TRAFD1: variants seen among roughly 807,000 people sequenced by gnomAD.
The protein encoded by TRAFD1 is TRAF-type zinc finger domain-containing protein 1.
A neutral mutation model predicts 65.3 loss-of-function variants in TRAFD1; 38 were observed. That is an observed-to-expected ratio of 0.58 (90% CI 0.45 to 0.76). The LOEUF (loss-of-function observed/expected upper bound fraction) is 0.76. TRAFD1 is among the 30% of genes least tolerant of loss of function. The pLI, the probability that TRAFD1 is intolerant of heterozygous loss-of-function variation, is 0.00. For missense variants in TRAFD1, 631 were observed against 712.6 expected (o/e 0.89, Z 1.30); for synonymous variants, 223 against 257.2 (o/e 0.87, Z 1.27).
intron 6 of TRAFD1, 38 bp from the exon 7 acceptor site, chr12:112,145,548 T>A: frequency 6.2e-7 from 1 of 1,604,406 alleles, no homozygotes; most frequent in Non-Finnish European, 8.5e-7. Flanking sequence ...AGTTTGTTTT[T>A]GTTCATCCTG....
Position 112,152,280 on chromosome 12 carries a change from G to T in TRAFD1, c.1619+140G>T. 7.1e-7 allele frequency: 1 copy of T among 1,413,720 alleles called. No homozygotes were observed. The highest frequency in any genetic ancestry group is 9.7e-7 in the Non-Finnish European group (1 of 1,036,104). 87.6% of individuals were successfully genotyped at this position (1,413,720 alleles called of 1,614,324 possible). On this transcript the variant is annotated intron_variant, in intron 10 of 11. Transcript: ENST00000412615. This position sits in a 1 kb window ranked among gnomAD's most constrained non-coding sequence, Gnocchi z 5.0. ...GAGGAGTATGGATTTTCCCTGTATTGTCACCTGACTCCAAAAAAATTATTT... is the reference window on the plus strand; with the variant it reads ...GAGGAGTATGGATTTTCCCTGTATTTTCACCTGACTCCAAAAAAATTATTT...
chr12:112,139,417 G>A (rs1486857274), intron 4 of TRAFD1, among the ~76,000 whole-genome samples: 1 of 151,596 alleles, frequency 6.6e-6, no homozygotes. Flanking sequence ...TGCCAATTCA[G>A]AAAGTTTTTT....
chr12:112,146,253 GCAGTGATGTATGC>G (rs2030242128), intron 7 of TRAFD1, among the ~76,000 whole-genome samples: 1 of 148,628 alleles, frequency 6.7e-6, no homozygotes, highest in Non-Finnish European at 1.5e-5. Context: ...AAAAGTGATG[GCAGTGATGTATGC>G]CTGTAGTCCC....
chr12:112,152,800 C>A lies in TRAFD1; in HGVS notation c.*9C>A. On this transcript the variant is annotated 3_prime_UTR_variant, in exon 12 of 12. Transcript: ENST00000412615. The surrounding 1 kb of genome is among the most constrained non-coding windows in gnomAD (Gnocchi z 5.0). ...AGGAAGAGGAGGAGTAATGGTGTCT[C>A]CAGAGACTTTACATCGGTTCCTGTC... The A allele has an allele frequency of 6.2e-7, 1 of 1,614,030 alleles. No individual in the cohort carries two copies. Among genetic ancestry groups the A allele is most frequent in the South Asian group, 1.1e-5 (1 of 91,084 alleles).
intron 7 of TRAFD1, among the ~76,000 whole-genome samples, chr12:112,147,352 T>C (rs1048354658): frequency 6.6e-6 from 1 of 152,112 alleles, no homozygotes; most frequent in African/African-American, 2.4e-5. Context: ...TAGTCTGGCA[T>C]TTCCACAACT....
rs2030311340 is a variant in TRAFD1 at position 112,148,315 on chromosome 12, C to T, written c.1158+11C>T. On this transcript the variant is annotated intron_variant, in intron 8 of 11. Coordinates refer to ENST00000412615, the MANE Select transcript of TRAFD1 (RefSeq NM_006700.3). Reference sequence around the variant, plus strand: ...CTGTTCCATCACCAGGTAAGGGTCCCTGGAGTCCCTGTCCATGTGGCTCTG... The same window carrying T: ...CTGTTCCATCACCAGGTAAGGGTCCTTGGAGTCCCTGTCCATGTGGCTCTG... The T allele has an allele frequency of 3.1e-6, 5 of 1,611,586 alleles. No homozygotes were observed. Among genetic ancestry groups the T allele is most frequent in the South Asian group, 2.2e-5 (2 of 90,864 alleles).
chr12:112,138,504 C>T (rs569102765), intron 4 of TRAFD1, among the ~76,000 whole-genome samples: 52 of 151,462 alleles, frequency 3.4e-4, no homozygotes, highest in Admixed American at 2.6e-3. Flanking sequence ...GAGCCAAGAT[C>T]ACACCACTGC....
At chr12:112,142,721 C>T (rs771864294) in intron 6 of TRAFD1, among the ~76,000 whole-genome samples, 1 of 152,024 alleles carries the variant, frequency 6.6e-6, no homozygotes, top group African/African-American at 2.4e-5. Flanking sequence ...GAGTGACATC[C>T]GTATTGTTTA....
intron 4 of TRAFD1, 46 bp from the exon 5 acceptor site, chr12:112,140,773 C>A (rs778558952): frequency 1.9e-6 from 3 of 1,598,066 alleles, no homozygotes; most frequent in South Asian, 1.1e-5. Context: ...TAAAACACAC[C>A]TCTCCTAGAT....
rs774057753 is a variant in TRAFD1 at position 112,142,295 on chromosome 12, G to C, written c.850G>C (p.Gly284Arg). 1.2e-6 allele frequency: 2 copies of C among 1,611,282 alleles called. No homozygotes were observed. Among genetic ancestry groups the C allele is most frequent in the Non-Finnish European group, 8.5e-7 (1 of 1,177,838 alleles). Residue 284 changes from glycine to arginine, a missense_variant and splice_region_variant, in exon 6 of 12, where the codon GGT becomes CGT. Coordinates refer to ENST00000412615, the MANE Select transcript of TRAFD1 (RefSeq NM_006700.3). ...GGPRSLSDIK[G>R]AADEIMLPCE... ...TCCCAGGTCTCTCAGTGACATAAAGGGTAGGCTTGCTTATTCTGCACTAGC... is the reference window on the plus strand; with the variant it reads ...TCCCAGGTCTCTCAGTGACATAAAGCGTAGGCTTGCTTATTCTGCACTAGC...
chr12:112,127,278 C>G (rs1276460992), intron 1 of TRAFD1, among the ~76,000 whole-genome samples: 2 of 152,178 alleles, frequency 1.3e-5, no homozygotes, highest in Admixed American at 1.3e-4. Flanking sequence ...TCTTATCTAC[C>G]TAAAGTAGAT....
intron 1 of TRAFD1, among the ~76,000 whole-genome samples, chr12:112,127,734 C>T (rs762889066): frequency 2.7e-5 from 4 of 149,236 alleles, no homozygotes; most frequent in Non-Finnish European, 4.5e-5. Context: ...GGCGTGATCT[C>T]GGCTCACTGC....
At chr12:112,146,208 CA>C (rs2030239035) in intron 7 of TRAFD1, among the ~76,000 whole-genome samples, 1 of 80,030 alleles carries the variant, frequency 1.2e-5, no homozygotes, top group Admixed American at 1.3e-4. Context: ...AAAAAAAAAA[CA>C]ATAGTGAAAT....
At chr12:112,135,825 G>GTT (rs753306363) in intron 4 of TRAFD1, among the ~76,000 whole-genome samples, 27 of 131,568 alleles carry the variant, frequency 2.1e-4, no homozygotes, top group Admixed American at 5.4e-4. Context: ...CTGGCCAAAG[G>GTT]TTTTTTTTTT....
rs1018948347 is a variant in TRAFD1, at chr12:112,152,307, G to C, written c.1620-120G>C. 1.2e-5 allele frequency: 18 copies of C among 1,453,590 alleles called. No individual in the cohort carries two copies. Among genetic ancestry groups the C allele is most frequent in the Non-Finnish European group, 1.6e-5 (17 of 1,068,196 alleles). 90.0% of individuals were successfully genotyped at this position (1,453,590 alleles called of 1,614,324 possible). A position where few individuals can be genotyped will look rare whatever the true frequency, so the allele number is the denominator to read the frequency against. ...CACCTGACTCCAAAAAAATTATTTT[G>C]TGGCCTATGGGTTTTTTGGGGTTTG... On this transcript the variant is annotated intron_variant, in intron 10 of 11. Transcript: ENST00000412615. The surrounding 1 kb of genome is among the most constrained non-coding windows in gnomAD (Gnocchi z 5.0).
rs1020579782 is a variant in TRAFD1, at chr12:112,134,932, T to C, written c.183+59T>C. 2.4e-5 allele frequency: 38 copies of C among 1,612,478 alleles called. No individual in the cohort carries two copies. In the African/African-American group the frequency reaches 4.4e-4, roughly 19 times the overall value. Reference sequence around the variant, plus strand: ...TGTTATACTTGCTGTTGTTCGTAAATGTATTCTGTTTGCTATTGTGCAATA... The same window carrying C: ...TGTTATACTTGCTGTTGTTCGTAAACGTATTCTGTTTGCTATTGTGCAATA... On this transcript the variant is annotated intron_variant, in intron 3 of 11. Coordinates refer to ENST00000412615, the MANE Select transcript of TRAFD1 (RefSeq NM_006700.3).
rs778548385 is a variant in TRAFD1, at chr12:112,141,177, C to T, written c.596C>T (p.Thr199Ile). Residue 199 changes from threonine to isoleucine, a missense_variant, in exon 5 of 12, where the codon ACC (threonine) becomes ATC (isoleucine). Coordinates refer to ENST00000412615, the MANE Select transcript of TRAFD1 (RefSeq NM_006700.3). ...FESDVFHNRT[T>I]NQRNITAQVS... Reference sequence around the variant, plus strand: ...TCAGATGTTTTCCACAATAGAACTACCAACCAAAGGAACATTACAGCCCAG... The same window carrying T: ...TCAGATGTTTTCCACAATAGAACTATCAACCAAAGGAACATTACAGCCCAG... 1.2e-6 allele frequency: 2 copies of T among 1,614,140 alleles called. No individual in the cohort carries two copies. The highest frequency in any genetic ancestry group is 1.7e-5 in the Admixed American group (1 of 60,016).
chr12:112,143,772 A>G (rs1173240697), intron 6 of TRAFD1, among the ~76,000 whole-genome samples: 1 of 122,762 alleles, frequency 8.1e-6, no homozygotes, highest in African/African-American at 3.2e-5. Context: ...TTGCTCTGTC[A>G]CCGAGGCTGG....
chr12:112,145,125 T>C (rs2030200837), intron 6 of TRAFD1, among the ~76,000 whole-genome samples: 1 of 152,220 alleles, frequency 6.6e-6, no homozygotes, highest in South Asian at 2.1e-4. Context: ...TGTATCGATT[T>C]GTTCACTTCA....
Sources: gnomAD v4.1 joint callset for allele counts (sites outside exome capture counted in the v4.1 genomes callset) on GRCh38, gnomAD v4.1.1 for gene constraint, Gnocchi (gnomAD v3.1) non-coding constraint, MANE v1.5 for transcripts, NCBI Gene and HGNC (gene_info 2026-07-23, HGNC 2026-07-21) for gene names.